SUGCT: variants seen among roughly 807,000 people sequenced by gnomAD.
SUGCT encodes succinyl-CoA:glutarate CoA-transferase.
In SUGCT, 41 loss-of-function variants were observed where a neutral mutation model predicts 55.0. That is an observed-to-expected ratio of 0.74 (90% CI 0.58 to 0.97). SUGCT has a LOEUF of 0.97. Ranked by LOEUF, SUGCT falls within the 50% of genes least tolerant of loss-of-function variation. The probability of loss-of-function intolerance (pLI) is 0.00; values close to 1 mark genes in which losing one functional copy is unlikely to be tolerated. For synonymous variants in SUGCT, 187 were observed against 200.4 expected (o/e 0.93, Z 0.56); for missense variants, 568 against 547.8 (o/e 1.04, Z -0.37).
At chr7:40,676,504 GTTTTT>G (rs70990639) in intron 12 of SUGCT, among the ~76,000 whole-genome samples, 1 of 129,092 alleles carries the variant, frequency 7.7e-6, no homozygotes, top group Admixed American at 7.8e-5. Flanking sequence ...TTTGTTTTTT[GTTTTT>G]TTTTTTTTTT....
rs578021901 is a variant in SUGCT at position 40,272,752 on chromosome 7, CG to C, written c.577-1758del. Among the ~76,000 whole-genome samples, 9 of 151,534 alleles carry C rather than the reference CG, an allele frequency of 5.9e-5. No individual in the cohort carries two copies. In the South Asian group the frequency reaches 1.9e-3, roughly 32 times the overall value. On this transcript the variant is annotated intron_variant, in intron 7 of 13. Transcript: ENST00000335693. ...TCAGCTCACTGCAGCCTCCGCCTCC[CG>C]GGTTCAAGCAGTTCTCCTGCCTCAG... is the stretch of plus-strand genomic sequence containing the variant.
At chr7:40,362,542 G>T (rs902098850) in intron 9 of SUGCT, among the ~76,000 whole-genome samples, 4 of 152,156 alleles carry the variant, frequency 2.6e-5, no homozygotes, top group African/African-American at 4.8e-5. Context: ...GCATGCTAGA[G>T]AAGGAAGCTT....
At chr7:41,023,306 C>A in the SUGCT span, among the ~76,000 whole-genome samples, 1 of 152,008 alleles carries the variant, frequency 6.6e-6, no homozygotes, top group Non-Finnish European at 1.5e-5. Flanking sequence ...CCTAACCTTA[C>A]TGATGTGTAC....
intron 7 of SUGCT, among the ~76,000 whole-genome samples, chr7:40,249,321 A>ATATATATCTATATATATC (rs1562612028): frequency 9.1e-6 from 1 of 109,466 alleles, no homozygotes; most frequent in Non-Finnish European, 1.8e-5. Context: ...AGCTATATAT[A>ATATATATCTATATATATC]TATATATATA....
intron 12 of SUGCT, among the ~76,000 whole-genome samples, chr7:40,570,334 A>T (rs1796373797): frequency 6.6e-6 from 1 of 152,198 alleles, no homozygotes. Flanking sequence ...GTATAAAGGG[A>T]GTCTTAAAGA....
the SUGCT span, among the ~76,000 whole-genome samples, chr7:40,947,386 A>T: frequency 2.6e-5 from 4 of 152,006 alleles, no homozygotes; most frequent in African/African-American, 4.8e-5. Context: ...ACTTGTTTGT[A>T]CATGTTTAAA....
At chr7:40,316,955 GTTTTTTT>G in intron 9 of SUGCT, 100 bp downstream of exon 9, 3 of 186,724 alleles carry the variant, frequency 1.6e-5, no homozygotes, top group Non-Finnish European at 2.0e-5. Flanking sequence ...TCCTTCAGCT[GTTTTTTT>G]TTTTTTTTTT....
At chr7:40,979,791 T>TA in the SUGCT span, 1 of 152,182 alleles carries the variant, frequency 6.6e-6, no homozygotes, top group Non-Finnish European at 1.5e-5. Context: ...GAGACAAAAA[T>TA]ATACCCTAAA....
intron 7 of SUGCT, among the ~76,000 whole-genome samples, chr7:40,241,730 G>A (rs941606735): frequency 2.0e-5 from 3 of 151,846 alleles, no homozygotes; most frequent in South Asian, 4.2e-4. Flanking sequence ...GACCATCCTG[G>A]CCAACATGCT....
At chr7:40,720,048 A>C (rs1308753920) in intron 12 of SUGCT, among the ~76,000 whole-genome samples, 1 of 152,078 alleles carries the variant, frequency 6.6e-6, no homozygotes, top group Non-Finnish European at 1.5e-5. Context: ...GGCCTCCCAA[A>C]GTGCTGGGAT....
chr7:40,202,875 C>G (rs1786690937), intron 6 of SUGCT, among the ~76,000 whole-genome samples: 1 of 152,270 alleles, frequency 6.6e-6, no homozygotes, highest in East Asian at 1.9e-4. Context: ...GAACTTGGCC[C>G]ATGGGGAAAA....
intron 8 of SUGCT, among the ~76,000 whole-genome samples, chr7:40,306,695 C>A (rs971749163): frequency 8.5e-5 from 13 of 152,162 alleles, no homozygotes; most frequent in Admixed American, 7.2e-4. Context: ...AGAAGACTTG[C>A]TATCACAGGA....
At chr7:41,011,257 C>T in the SUGCT span, among the ~76,000 whole-genome samples, 1 of 152,176 alleles carries the variant, frequency 6.6e-6, no homozygotes, top group East Asian at 1.9e-4. Context: ...AGCAGGCACT[C>T]AGAAGAGGGG....
intron 12 of SUGCT, among the ~76,000 whole-genome samples, chr7:40,623,790 A>G (rs1159952518): frequency 6.6e-6 from 1 of 152,128 alleles, no homozygotes; most frequent in Non-Finnish European, 1.5e-5. Flanking sequence ...GGCATACGAG[A>G]GAATTATGTT....
chr7:40,534,833 G>A (rs938716362), intron 12 of SUGCT, among the ~76,000 whole-genome samples: 3 of 152,094 alleles, frequency 2.0e-5, no homozygotes, highest in Non-Finnish European at 4.4e-5. Flanking sequence ...GAAATAAAAT[G>A]TTTTCGACTA....
the SUGCT span, among the ~76,000 whole-genome samples, chr7:40,927,054 T>C: frequency 2.6e-5 from 4 of 152,144 alleles, no homozygotes; most frequent in Non-Finnish European, 5.9e-5. Flanking sequence ...ATGGGAAACA[T>C]ATTTTGTGAC....
intron 13 of SUGCT, among the ~76,000 whole-genome samples, chr7:40,802,064 C>G (rs1790848185): frequency 1.3e-5 from 2 of 150,364 alleles, no homozygotes; most frequent in South Asian, 4.2e-4. Flanking sequence ...CTTTTTTTTC[C>G]TGAATGGAAA....
At chr7:40,364,085 T>C (rs1181016234) in intron 9 of SUGCT, among the ~76,000 whole-genome samples, 2 of 150,388 alleles carry the variant, frequency 1.3e-5, no homozygotes, top group Non-Finnish European at 1.5e-5. Flanking sequence ...TCTTTGTCTC[T>C]TTTGATCTTT....
chr7:40,899,656 C>CTT, the SUGCT span, among the ~76,000 whole-genome samples: 3 of 148,918 alleles, frequency 2.0e-5, no homozygotes, highest in Non-Finnish European at 4.5e-5. Flanking sequence ...CTCTTTCCTA[C>CTT]TTTTTTTTTT....
Sources: gnomAD v4.1 joint callset for allele counts (sites outside exome capture counted in the v4.1 genomes callset) on GRCh38, gnomAD v4.1.1 for gene constraint, MANE v1.5 for transcripts, NCBI Gene and HGNC (gene_info 2026-07-23, HGNC 2026-07-21) for gene names.